Variants in BOC observed in about 807,000 individuals in gnomAD.
BOC encodes brother of CDO.
BOC carries 76 observed loss-of-function variants against 112.0 expected under a neutral mutation model. The observed-to-expected ratio is 0.68, with a 90% CI of 0.56 to 0.82. The LOEUF (loss-of-function observed/expected upper bound fraction) is 0.82. Among genes scored for constraint, BOC ranks in the 40% least tolerant of loss-of-function variants. The pLI is 0.00. For synonymous variants in BOC, 580 were observed against 599.8 expected (o/e 0.97, Z 0.48); for missense variants, 1,309 against 1,511.7 (o/e 0.87, Z 2.22).
chr3:113,215,700 C>T (rs1224028082), intron 1 of BOC, among the ~76,000 whole-genome samples: 4 of 152,190 alleles, frequency 2.6e-5, no homozygotes, highest in Admixed American at 2.6e-4. Context: ...GTTTAAAACC[C>T]TAATTTCTTA....
intron 2 of BOC, among the ~76,000 whole-genome samples, chr3:113,227,336 G>A (rs1941830622): frequency 6.6e-6 from 1 of 152,232 alleles, no homozygotes; most frequent in Non-Finnish European, 1.5e-5. Flanking sequence ...TACAGTCAGG[G>A]AAAAGCCAGT....
intron 1 of BOC, chr3:113,212,349 C>T (rs1297571936): frequency 6.6e-6 from 1 of 152,220 alleles, no homozygotes; most frequent in African/African-American, 2.4e-5. Context: ...GGTGGTTTCG[C>T]CTCAGCGGTT....
chr3:113,257,346 C>T lies in BOC; in HGVS notation c.376+6513C>T, dbSNP rs565347079. ...TGCAGACACAGAGACCCTGTTGCCC[C>T]AGCCCCTACCAGAGATGCATTCACT... On this transcript the variant is annotated intron_variant, in intron 4 of 19. Transcript: ENST00000682979. Among the ~76,000 whole-genome samples, 24 of 152,308 alleles carry T rather than the reference C, an allele frequency of 1.6e-4. No individual in the cohort carries two copies. The South Asian group carries it at 1.7e-3, about 11-fold the overall frequency.
At chr3:113,235,863 G>C (rs1186495468) in intron 2 of BOC, among the ~76,000 whole-genome samples, 1 of 152,066 alleles carries the variant, frequency 6.6e-6, no homozygotes, top group Non-Finnish European at 1.5e-5. Flanking sequence ...ATTTTGTATA[G>C]GAAAGAGCAA....
chr3:113,254,343 AAAAGAGGG>A (rs1292660630), intron 4 of BOC, among the ~76,000 whole-genome samples: 1 of 152,192 alleles, frequency 6.6e-6, no homozygotes, highest in Non-Finnish European at 1.5e-5. Context: ...TGTGTCATGA[AAAAGAGGG>A]AGTTGGTGGA....
chr3:113,226,773 C>T (rs922001016), intron 2 of BOC, among the ~76,000 whole-genome samples: 1 of 152,216 alleles, frequency 6.6e-6, no homozygotes, highest in Non-Finnish European at 1.5e-5. Context: ...CTGTAGCCTG[C>T]CTCTCCTCAG....
At chr3:113,285,879 C>T (rs76450943) in intron 19 of BOC, among the ~76,000 whole-genome samples, 4,485 of 152,288 alleles carry the variant, frequency 0.029, 227 homozygotes, top group African/African-American at 0.1. Context: ...CAAGGCCATT[C>T]ACAAATTCCA....
At position 113,268,396 on chromosome 3, in the gene BOC, A is replaced by C. The variant is rs1459598451; in HGVS notation, c.474A>C (p.Lys158Asn). 6.2e-7 allele frequency: 1 copy of C among 1,614,036 alleles called. No homozygotes were observed. The highest frequency in any genetic ancestry group is 8.5e-7 in the Non-Finnish European group (1 of 1,180,018). ...GCCACCTGCCTGAGAGCCACCCCAA[A>C]GCCCAGGTCCGGTACAGCGTCAAAC... Reference protein sequence around the residue: ...IACHLPESHPKAQVRYSVKQE... With the variant: ...IACHLPESHPNAQVRYSVKQE... The change falls in exon 5 of 20, where the codon AAA becomes AAC. Residue 158 changes from lysine (K) to asparagine (N), a missense_variant. Transcript: ENST00000682979.
intron 2 of BOC, among the ~76,000 whole-genome samples, chr3:113,243,162 C>T (rs1323712141): frequency 6.6e-6 from 1 of 152,150 alleles, no homozygotes; most frequent in Non-Finnish European, 1.5e-5. Flanking sequence ...TTAACTCTCA[C>T]AAGAGGACAA....
At chr3:113,249,546 C>G (rs935634942) in intron 2 of BOC, among the ~76,000 whole-genome samples, 176 bp from the exon 3 acceptor site, 10 of 152,218 alleles carry the variant, frequency 6.6e-5, no homozygotes, top group African/African-American at 2.4e-4. Flanking sequence ...TAAGAAGCTT[C>G]TTTTAGATGA....
chr3:113,268,693 A>G (rs918006979), intron 5 of BOC, among the ~76,000 whole-genome samples: 1 of 152,182 alleles, frequency 6.6e-6, no homozygotes, highest in Non-Finnish European at 1.5e-5. Flanking sequence ...TGCAGCCTCC[A>G]TCACCAAGGC....
chr3:113,280,057 C>T, intron 13 of BOC, 52 bp downstream of exon 13: 1 of 1,526,012 alleles, frequency 6.6e-7, no homozygotes, highest in Non-Finnish European at 8.9e-7. Flanking sequence ...CCCTAAATGC[C>T]CTTCCCTGTG....
chr3:113,258,382 G>A lies in BOC; in HGVS notation c.376+7549G>A, dbSNP rs184419825. Among the ~76,000 whole-genome samples the A allele has an allele frequency of 5.7e-4, 86 of 151,922 alleles. 1 individual carries two copies. The highest frequency in any genetic ancestry group is 1.0e-3 in the Non-Finnish European group (70 of 67,948). On this transcript the variant is annotated intron_variant, in intron 4 of 19. Transcript: ENST00000682979. ...TCTCTCTCTCTCCATCCTGTTCCCC[G>A]CTCACCCCATTTCTTAACTGTTTCT...
chr3:113,256,506 G>A (rs1946240789), intron 4 of BOC, among the ~76,000 whole-genome samples: 1 of 152,130 alleles, frequency 6.6e-6, no homozygotes, highest in Admixed American at 6.6e-5. Context: ...GTTTTGCACT[G>A]ACAGGCTGGG....
At chr3:113,268,148 A>G in intron 4 of BOC, 151 bp from the exon 5 acceptor site, 1 of 1,232,476 alleles carries the variant, frequency 8.1e-7, no homozygotes, top group Non-Finnish European at 1.1e-6. Context: ...TGTAGACAAC[A>G]AGGGGCTGGA....
At chr3:113,228,707 G>C (rs1028514520) in intron 2 of BOC, among the ~76,000 whole-genome samples, 7 of 152,164 alleles carry the variant, frequency 4.6e-5, no homozygotes, top group African/African-American at 1.7e-4. Context: ...CAGCTGCTCT[G>C]AGCTCCTCTG....
At chr3:113,224,944 G>A (rs941968551) in intron 2 of BOC, among the ~76,000 whole-genome samples, 9 of 152,148 alleles carry the variant, frequency 5.9e-5, no homozygotes, top group Non-Finnish European at 1.0e-4. Context: ...GGGTATGGTG[G>A]TGGGCGCCTG....
At chr3:113,222,150 G>A (rs972506826) in intron 2 of BOC, among the ~76,000 whole-genome samples, 2 of 152,094 alleles carry the variant, frequency 1.3e-5, no homozygotes, top group East Asian at 1.9e-4. Context: ...CTCCTGGCTC[G>A]TGTTTATTTG....
intron 9 of BOC, among the ~76,000 whole-genome samples, chr3:113,276,597 C>T (rs992626252): frequency 3.3e-5 from 5 of 152,310 alleles, no homozygotes; most frequent in South Asian, 2.1e-4. Flanking sequence ...AGTCAGCATT[C>T]GGGCTGTGTT....
Sources: gnomAD v4.1 joint callset for allele counts (sites outside exome capture counted in the v4.1 genomes callset) on GRCh38, gnomAD v4.1.1 for gene constraint, MANE v1.5 for transcripts, NCBI Gene and HGNC (gene_info 2026-07-23, HGNC 2026-07-21) for gene names.